Variants in TMEM40 observed in about 807,000 individuals in gnomAD.
TMEM40 encodes transmembrane protein 40.
Under a neutral mutation model 40.8 loss-of-function variants are expected in TMEM40, and 34 were observed. That is an observed-to-expected ratio of 0.83 (90% CI 0.63 to 1.11). The LOEUF (loss-of-function observed/expected upper bound fraction) is 1.11, where lower values mean the gene tolerates loss of function less well. TMEM40 is among the 50% of genes least tolerant of loss of function. The probability of loss-of-function intolerance (pLI) is 0.00; values close to 1 mark genes in which losing one functional copy is unlikely to be tolerated. For missense variants in TMEM40, 296 were observed against 280.2 expected, an observed-to-expected ratio of 1.06 and a Z score of -0.40; for synonymous variants, 106 against 107.0, an observed-to-expected ratio of 0.99 and a Z score of 0.06.
At position 12,733,623 on chromosome 3, in the gene TMEM40, A is replaced by G. The variant is rs1172045703; in HGVS notation, c.*1151T>C. The G allele has an allele frequency of 6.6e-6, 1 of 152,066 alleles. No homozygotes were observed. Among genetic ancestry groups the G allele is most frequent in the Admixed American group, 6.6e-5 (1 of 15,260 alleles). The allele number at this position is 152,066 out of a possible 1,614,324, so 9.4% of individuals were successfully genotyped here. A position where few individuals can be genotyped will look rare whatever the true frequency, so the allele number is the denominator to read the frequency against. On this transcript the variant is annotated 3_prime_UTR_variant, in exon 12 of 12. Transcript: ENST00000314124. Reference sequence around the variant, plus strand: ...ATTAGGTTACATACAAGTACTTGAAATCAAAACCTCAGAAGTTACCCTTCT... The same window carrying G: ...ATTAGGTTACATACAAGTACTTGAAGTCAAAACCTCAGAAGTTACCCTTCT...
At chr3:12,758,618 G>A (rs1245006724) in intron 1 of TMEM40, among the ~76,000 whole-genome samples, 2 of 152,134 alleles carry the variant, frequency 1.3e-5, no homozygotes, top group African/African-American at 2.4e-5. Context: ...TATCCTCCCC[G>A]GGGGTGCCTT....
intron 3 of TMEM40, among the ~76,000 whole-genome samples, chr3:12,745,366 C>T (rs58381828): frequency 0.077 from 11,738 of 151,968 alleles, 1,249 homozygotes; most frequent in African/African-American, 0.23. Context: ...CCACACCTGG[C>T]AATTACTCCA....
At chr3:12,762,612 A>T (rs2061577169), upstream of TMEM40, among the ~76,000 whole-genome samples, 1 of 152,222 alleles carries the variant, frequency 6.6e-6, no homozygotes. Flanking sequence ...GGCTGACTGA[A>T]TAGACAGTGA....
intron 1 of TMEM40, among the ~76,000 whole-genome samples, chr3:12,753,659 C>T (rs528168195): frequency 1.3e-5 from 2 of 152,260 alleles, no homozygotes; most frequent in South Asian, 4.1e-4. Flanking sequence ...CCCCAGCTGC[C>T]CCCTGGTTAG....
At chr3:12,744,142 G>A (rs1300900343) in intron 3 of TMEM40, among the ~76,000 whole-genome samples, 153 bp from the exon 4 acceptor site, 1 of 152,190 alleles carries the variant, frequency 6.6e-6, no homozygotes, top group Non-Finnish European at 1.5e-5. Flanking sequence ...TAGGAGACCT[G>A]CCACTCCCTT....
intron 10 of TMEM40, among the ~76,000 whole-genome samples, chr3:12,736,316 T>G (rs894136830): frequency 1.3e-5 from 2 of 152,020 alleles, no homozygotes; most frequent in Non-Finnish European, 2.9e-5. Context: ...GCCTGGCTAA[T>G]TTTTTGTATT....
chr3:12,767,172 A>G (rs2061598008), intron 1 of TMEM40, among the ~76,000 whole-genome samples: 1 of 152,188 alleles, frequency 6.6e-6, no homozygotes, highest in Admixed American at 6.5e-5. Context: ...TTGAGGTCAC[A>G]ATGATTTAGT....
intron 1 of TMEM40, among the ~76,000 whole-genome samples, chr3:12,754,192 G>A (rs1229550259): frequency 1.3e-5 from 2 of 152,096 alleles, no homozygotes; most frequent in Admixed American, 6.6e-5. Context: ...GGCACCTGTA[G>A]TCCCAGCTAC....
chr3:12,749,853 C>A lies in TMEM40; in HGVS notation c.-8-13G>T. 1 of 1,610,892 alleles carries A rather than the reference C, an allele frequency of 6.2e-7. No homozygotes were observed. The highest frequency in any genetic ancestry group is 8.5e-7 in the Non-Finnish European group (1 of 1,178,088). On this transcript the variant is annotated splice_polypyrimidine_tract_variant and intron_variant, in intron 1 of 11. Transcript: ENST00000314124. ...TCCATGGCTTTTCCTGGAGGAATAA[C>A]AATAATCAGTAGTTAATATCACCTT...
chr3:12,738,798 C>T (rs2061359025), intron 5 of TMEM40: 1 of 558,480 alleles, frequency 1.8e-6, no homozygotes, highest in Non-Finnish European at 3.2e-6. Context: ...GAACGCCTAC[C>T]CACTCTTACA....
chr3:12,737,753 T>A lies in TMEM40; in HGVS notation c.426A>T (p.Gly142=), dbSNP rs1372524828. 1 of 1,613,782 alleles carries A rather than the reference T, an allele frequency of 6.2e-7. No individual in the cohort carries two copies. The highest frequency in any genetic ancestry group is 8.5e-7 in the Non-Finnish European group (1 of 1,179,726). The change falls in exon 8 of 12, where the codon GGA becomes GGT. Residue 142 remains glycine, a splice_region_variant and synonymous_variant. Transcript: ENST00000314124. The part of the protein sequence containing the change: ...LRRRGSDPAS[G]EVEASQLRRL... ...TTCTTAACTGAGAGGCCTCCACTTCTCCTTAAGAACAAGAGAGAGATGAAT... is the reference window on the plus strand; with the variant it reads ...TTCTTAACTGAGAGGCCTCCACTTCACCTTAAGAACAAGAGAGAGATGAAT...
intron 1 of TMEM40, among the ~76,000 whole-genome samples, chr3:12,750,167 G>C (rs1228774045): frequency 6.6e-6 from 1 of 151,370 alleles, no homozygotes; most frequent in East Asian, 1.9e-4. Flanking sequence ...TGGAAACAGG[G>C]TGTCTCTATG....
At chr3:12,767,206 C>T (rs911434542) in intron 1 of TMEM40, among the ~76,000 whole-genome samples, 2 of 152,104 alleles carry the variant, frequency 1.3e-5, no homozygotes, top group East Asian at 3.8e-4. Flanking sequence ...GGGTCAGTTG[C>T]CAAATTTTTT....
rs200520627 is a variant in TMEM40 at position 12,735,509 on chromosome 3, C to T, written c.682+46G>A. 1.8e-4 allele frequency: 291 copies of T among 1,585,854 alleles called. No individual in the cohort carries two copies. The African/African-American group carries it at 3.3e-3, about 18-fold the overall frequency. ...CTAAGCCTCTTTCTAAATGAAGACC[C>T]TGCTAGGGAGAAAATGAGTGAACAC... On this transcript the variant is annotated intron_variant, in intron 11 of 11. Transcript: ENST00000314124.
intron 5 of TMEM40, among the ~76,000 whole-genome samples, chr3:12,739,813 T>C (rs1459312074): frequency 6.6e-6 from 1 of 151,906 alleles, no homozygotes; most frequent in Non-Finnish European, 1.5e-5. Context: ...TTCACATTCA[T>C]AATTTTATTT....
At chr3:12,742,002 C>T (rs947676481) in intron 5 of TMEM40, among the ~76,000 whole-genome samples, 4 of 152,198 alleles carry the variant, frequency 2.6e-5, no homozygotes, top group African/African-American at 7.2e-5. Flanking sequence ...GAGGCCGAGG[C>T]GGGCGGATCA....
At chr3:12,755,160 C>G (rs1383928347) in intron 1 of TMEM40, among the ~76,000 whole-genome samples, 2 of 140,992 alleles carry the variant, frequency 1.4e-5, no homozygotes, top group African/African-American at 2.8e-5. Context: ...CTTTCTTTCT[C>G]TTTCTTTCTT....
intron 1 of TMEM40, among the ~76,000 whole-genome samples, chr3:12,768,660 T>G (rs180707975): frequency 6.6e-6 from 1 of 152,074 alleles, no homozygotes; most frequent in Non-Finnish European, 1.5e-5. Context: ...ATTGGTGTTA[T>G]TTACAATCCC....
chr3:12,756,069 C>T (rs188683743), intron 1 of TMEM40, among the ~76,000 whole-genome samples: 6 of 152,308 alleles, frequency 3.9e-5, no homozygotes, highest in Admixed American at 3.9e-4. Flanking sequence ...GAGTCCGACA[C>T]ATGAAACAAC....
Sources: gnomAD v4.1 joint callset for allele counts (sites outside exome capture counted in the v4.1 genomes callset) on GRCh38, gnomAD v4.1.1 for gene constraint, MANE v1.5 for transcripts, NCBI Gene and HGNC (gene_info 2026-07-23, HGNC 2026-07-21) for gene names.